The following ITFG1 variants were observed in gnomAD, a reference collection of about 807,000 sequenced individuals.
The protein encoded by ITFG1 is T-cell immunomodulatory protein.
In ITFG1, 34 loss-of-function variants were observed where a neutral mutation model predicts 81.8. The ratio of observed to expected loss-of-function variants is 0.42; its 90% CI spans 0.32 to 0.55. The LOEUF (loss-of-function observed/expected upper bound fraction) is 0.55, where lower values mean the gene tolerates loss of function less well. ITFG1 is among the 20% of genes least tolerant of loss of function. The probability of loss-of-function intolerance (pLI) is 0.17; values close to 1 mark genes in which losing one functional copy is unlikely to be tolerated. For synonymous variants in ITFG1, 285 were observed against 270.6 expected, an observed-to-expected ratio of 1.05 and a Z score of -0.52; for missense variants, 672 against 755.4, an observed-to-expected ratio of 0.89 and a Z score of 1.29.
At chr16:47,428,370 A>G (rs186673586) in intron 6 of ITFG1, among the ~76,000 whole-genome samples, 1 of 152,354 alleles carries the variant, frequency 6.6e-6, no homozygotes, top group African/African-American at 2.4e-5. Flanking sequence ...TGCATATATT[A>G]TAATATTCTG....
At chr16:47,289,699 C>T (rs1383694124) in intron 10 of ITFG1, among the ~76,000 whole-genome samples, 2 of 151,934 alleles carry the variant, frequency 1.3e-5, no homozygotes, top group African/African-American at 4.8e-5. Flanking sequence ...TAATGTCTCC[C>T]TTTCCTTTTT....
intron 6 of ITFG1, among the ~76,000 whole-genome samples, chr16:47,412,654 C>T (rs1488461745): frequency 6.7e-6 from 1 of 150,034 alleles, no homozygotes; most frequent in Non-Finnish European, 1.5e-5. Flanking sequence ...AAGATTTGCG[C>T]CACTGCACTC....
chr16:47,274,026 G>A (rs1567442841), intron 10 of ITFG1, among the ~76,000 whole-genome samples: 2 of 152,192 alleles, frequency 1.3e-5, no homozygotes, highest in Non-Finnish European at 2.9e-5. Context: ...GGAGACCGAG[G>A]TAGGTGGACT....
chr16:47,189,384 C>G (rs1965265457), intron 14 of ITFG1, among the ~76,000 whole-genome samples: 1 of 152,164 alleles, frequency 6.6e-6, no homozygotes, highest in Non-Finnish European at 1.5e-5. Context: ...TCCCTCCAGC[C>G]CCTGGTAACC....
At chr16:47,237,421 C>T (rs754580572) in intron 13 of ITFG1, among the ~76,000 whole-genome samples, 2 of 152,192 alleles carry the variant, frequency 1.3e-5, no homozygotes, top group African/African-American at 2.4e-5. Flanking sequence ...TACACACACA[C>T]AAACACATGC....
At chr16:47,396,224 T>C in intron 6 of ITFG1, 1 of 942,902 alleles carries the variant, frequency 1.1e-6, no homozygotes, top group Non-Finnish European at 1.3e-6. Flanking sequence ...CATTGTTAAA[T>C]GCCAAAATGG....
At chr16:47,413,652 C>T (rs1036124580) in intron 6 of ITFG1, among the ~76,000 whole-genome samples, 3 of 151,962 alleles carry the variant, frequency 2.0e-5, no homozygotes, top group Admixed American at 6.6e-5. Flanking sequence ...GCTGAGTTGG[C>T]GCCACTGCAC....
intron 10 of ITFG1, among the ~76,000 whole-genome samples, chr16:47,287,292 G>C (rs943898955): frequency 1.3e-5 from 2 of 152,026 alleles, no homozygotes; most frequent in Non-Finnish European, 2.9e-5. Context: ...CTATTGCCCG[G>C]ACTGGTCTTG....
At chr16:47,196,351 T>G (rs1965357789) in intron 14 of ITFG1, 1 of 152,168 alleles carries the variant, frequency 6.6e-6, no homozygotes, top group African/African-American at 2.4e-5. Flanking sequence ...CTTCTGATAC[T>G]CTAATTTTCC....
rs56117889 is a variant in ITFG1, at chr16:47,163,914, T to TACAC, written c.1454-1254_1454-1251dup. Among the ~76,000 whole-genome samples, 409 of 139,424 alleles carry TACAC rather than the reference T, an allele frequency of 2.9e-3. 1 individual carries two copies. The highest frequency in any genetic ancestry group is 8.8e-3 in the African/African-American group (336 of 38,258). The allele number at this position is 139,424 out of a possible 152,430, so 91.5% of individuals were successfully genotyped here. A position where few individuals can be genotyped will look rare whatever the true frequency, so the allele number is the denominator to read the frequency against. On this transcript the variant is annotated intron_variant, in intron 14 of 17. Transcript: ENST00000320640. ...AATAAACACGTGAAAGAAGCTCAAC[T>TACAC]ACACACACACACACACACACACACA...
intron 7 of ITFG1, among the ~76,000 whole-genome samples, chr16:47,370,161 C>T (rs992434032): frequency 9.2e-5 from 14 of 151,958 alleles, no homozygotes; most frequent in South Asian, 2.1e-4. Flanking sequence ...CTTCTAATAG[C>T]GGCAGGAGGC....
chr16:47,163,166 C>CTG (rs1964835969), intron 14 of ITFG1, among the ~76,000 whole-genome samples: 2 of 152,142 alleles, frequency 1.3e-5, no homozygotes, highest in Admixed American at 1.3e-4. Context: ...ACACATCACC[C>CTG]GTTTAAAGTG....
At chr16:47,205,828 TTATCTATCTATCTATC>T (rs58886060) in intron 14 of ITFG1, among the ~76,000 whole-genome samples, 1,936 of 143,064 alleles carry the variant, frequency 0.014, 31 homozygotes, top group East Asian at 0.1. Context: ...TGGAATTAAA[TTATCTATCTATCTATC>T]TATCTATCTA....
chr16:47,454,070 T>C lies in ITFG1; in HGVS notation c.370A>G (p.Asn124Asp). Reference protein sequence around the residue: ...MDVLLTYLPKNYAKSELGAVI... With the variant: ...MDVLLTYLPKDYAKSELGAVI... ...GCTCCTAATTCACTCTTGGCATAATTTTTGGGAAGATATGTCAGAAGGACA... is the reference window on the plus strand; with the variant it reads ...GCTCCTAATTCACTCTTGGCATAATCTTTGGGAAGATATGTCAGAAGGACA... Residue 124 changes from asparagine to aspartate, a missense_variant, in exon 3 of 18, where the codon AAT (asparagine) becomes GAT (aspartate). Transcript: ENST00000320640. The C allele has an allele frequency of 6.2e-7, 1 of 1,610,724 alleles. No individual in the cohort carries two copies. The highest frequency in any genetic ancestry group is 8.5e-7 in the Non-Finnish European group (1 of 1,177,216).
intron 13 of ITFG1, among the ~76,000 whole-genome samples, chr16:47,224,500 T>C (rs1342750882): frequency 1.6e-4 from 25 of 152,128 alleles, no homozygotes. Flanking sequence ...TTAAGCTGAG[T>C]GGCAACACAC....
At chr16:47,341,439 G>A (rs1967782950) in intron 8 of ITFG1, among the ~76,000 whole-genome samples, 1 of 142,544 alleles carries the variant, frequency 7.0e-6, no homozygotes, top group Admixed American at 7.0e-5. Flanking sequence ...GAAAATACTT[G>A]AGACAAATGA....
intron 10 of ITFG1, among the ~76,000 whole-genome samples, chr16:47,286,960 A>G (rs1051869733): frequency 6.6e-6 from 1 of 152,142 alleles, no homozygotes; most frequent in Non-Finnish European, 1.5e-5. Flanking sequence ...CTTAATCACA[A>G]CTTCCTCTCA....
rs138847273 is a variant in ITFG1 at position 47,234,033 on chromosome 16, C to T, written c.1374+3932G>A. Among the ~76,000 whole-genome samples, 3 of 152,266 alleles carry T rather than the reference C, an allele frequency of 2.0e-5. No homozygotes were observed. In the East Asian group the frequency reaches 5.8e-4, roughly 29 times the overall value. ...CCAGTCAGATCAACCTTAAAACTTC[C>T]ACAGTAAAGGTCTACCTTAGTTCCC... On this transcript the variant is annotated intron_variant, in intron 13 of 17. Transcript: ENST00000320640.
chr16:47,261,173 T>C (rs1255441855), intron 10 of ITFG1, among the ~76,000 whole-genome samples: 1 of 152,238 alleles, frequency 6.6e-6, no homozygotes, highest in Non-Finnish European at 1.5e-5. Context: ...AGAAGCATCA[T>C]ACGTTGCATA....
Sources: gnomAD v4.1 joint callset for allele counts (sites outside exome capture counted in the v4.1 genomes callset) on GRCh38, gnomAD v4.1.1 for gene constraint, MANE v1.5 for transcripts, NCBI Gene and HGNC (gene_info 2026-07-23, HGNC 2026-07-21) for gene names.